The following ERG variants were observed in gnomAD, a reference collection of about 807,000 sequenced individuals.
The protein encoded by ERG is transcriptional regulator ERG.
In ERG, 9 loss-of-function variants were observed where a neutral mutation model predicts 55.3. The observed-to-expected ratio is 0.16, with a 90% CI of 0.10 to 0.28. ERG has a LOEUF of 0.28. ERG is among the 10% of genes least tolerant of loss of function. The probability of loss-of-function intolerance (pLI) is 1.00; values close to 1 mark genes in which losing one functional copy is unlikely to be tolerated. For missense variants in ERG, 434 were observed against 631.6 expected (o/e 0.69, Z 3.35); for synonymous variants, 223 against 237.3 (o/e 0.94, Z 0.55).
In ERG at chr21:38,381,432, C is replaced by A; in HGVS notation, c.*1971G>T. 9.4e-7 allele frequency: 1 copy of A among 1,062,772 alleles called. No individual in the cohort carries two copies. Among genetic ancestry groups the A allele is most frequent in the Non-Finnish European group, 1.1e-6 (1 of 877,704 alleles). The allele number at this position is 1,062,772 out of a possible 1,614,324, so 65.8% of individuals were successfully genotyped here. A position where few individuals can be genotyped will look rare whatever the true frequency, so the allele number is the denominator to read the frequency against. On this transcript the variant is annotated 3_prime_UTR_variant, in exon 10 of 10. Coordinates refer to ENST00000288319, the MANE Select transcript of ERG (RefSeq NM_182918.4). ...AACATTGTCTTCAAGGGATAGCCAG[C>A]AACATCAGGCTCAGGGCTAGTGAAT...
At chr21:38,407,178 A>AT in intron 3 of ERG, among the ~76,000 whole-genome samples, 1 of 152,322 alleles carries the variant, frequency 6.6e-6, no homozygotes. Flanking sequence ...GATGTGCGCA[A>AT]TGATTTATTG....
intron 1 of ERG, among the ~76,000 whole-genome samples, chr21:38,618,418 G>C (rs974674155): frequency 6.6e-6 from 1 of 152,164 alleles, no homozygotes; most frequent in African/African-American, 2.4e-5. Flanking sequence ...ACAAAGTAAC[G>C]TGGAGCAGAT....
intron 1 of ERG, among the ~76,000 whole-genome samples, chr21:38,649,171 G>A (rs957707500): frequency 2.0e-5 from 3 of 152,154 alleles, no homozygotes; most frequent in Non-Finnish European, 1.5e-5. Flanking sequence ...TTTCGCACCC[G>A]CAGATACCCA....
intron 8 of ERG, 93 bp downstream of exon 8, chr21:38,391,566 T>G: frequency 9.4e-7 from 1 of 1,066,772 alleles, no homozygotes; most frequent in South Asian, 1.4e-5. Context: ...CAAACAATCA[T>G]GTTAATTTCC....
At chr21:38,457,206 G>A (rs1018777598) in intron 1 of ERG, among the ~76,000 whole-genome samples, 1 of 152,190 alleles carries the variant, frequency 6.6e-6, no homozygotes, top group Non-Finnish European at 1.5e-5. Flanking sequence ...GGAGGTGGAG[G>A]CAGGCAGACC....
chr21:38,513,548 A>G, intron 2 of ERG, among the ~76,000 whole-genome samples: 1 of 152,214 alleles, frequency 6.6e-6, no homozygotes, highest in Admixed American at 6.5e-5. Context: ...CACGTAATAT[A>G]AAATCCTTCT....
intron 1 of ERG, among the ~76,000 whole-genome samples, chr21:38,454,862 T>C (rs1343943585): frequency 6.6e-6 from 1 of 152,186 alleles, no homozygotes; most frequent in Non-Finnish European, 1.5e-5. Context: ...CTAGCATCTT[T>C]TACTTCAAGA....
intron 2 of ERG, among the ~76,000 whole-genome samples, chr21:38,440,373 C>T (rs905927632): frequency 6.6e-6 from 1 of 152,232 alleles, no homozygotes; most frequent in Non-Finnish European, 1.5e-5. Flanking sequence ...TGAGCCCCTC[C>T]GTGGCAGAAT....
intron 1 of ERG, among the ~76,000 whole-genome samples, chr21:38,455,617 T>C (rs2058980923): frequency 6.6e-6 from 1 of 152,164 alleles, no homozygotes; most frequent in Non-Finnish European, 1.5e-5. Context: ...ACACATGGAT[T>C]CATTGTTTTC....
intron 1 of ERG, among the ~76,000 whole-genome samples, chr21:38,459,187 C>T (rs566751686): frequency 3.2e-4 from 48 of 152,282 alleles, no homozygotes; most frequent in South Asian, 1.2e-3. Context: ...TGCCAGGAAG[C>T]GCAGCGCATT....
chr21:38,645,771 C>T (rs2060452321), intron 1 of ERG, among the ~76,000 whole-genome samples: 1 of 152,154 alleles, frequency 6.6e-6, no homozygotes, highest in East Asian at 1.9e-4. Flanking sequence ...AATGTATGTC[C>T]CTTTTACATT....
upstream of ERG, chr21:38,498,592 C>A: frequency 1.0e-6 from 1 of 983,272 alleles, no homozygotes; most frequent in Admixed American, 4.4e-5. The surrounding 1 kb of genome is among the most constrained non-coding windows in gnomAD (Gnocchi z 4.6). Context: ...GATAAGAGAC[C>A]CTGAAAACAA....
At chr21:38,463,785 C>T (rs1013201529) in intron 1 of ERG, among the ~76,000 whole-genome samples, 17 of 152,196 alleles carry the variant, frequency 1.1e-4, no homozygotes, top group African/African-American at 4.1e-4. Context: ...TGAGGAAATT[C>T]CCATTGGATC....
Position 38,395,951 on chromosome 21 carries a change from G to A in ERG, c.746-3507C>T, listed in dbSNP as rs184916619. 2.2e-3 allele frequency among the ~76,000 whole-genome samples: 340 copies of A among 152,144 alleles called. 2 individuals are homozygous for A. Among genetic ancestry groups the A allele is most frequent in the Admixed American group, 5.6e-3 (85 of 15,278 alleles). ...CACACCGCCACCCCGCTGCCTACCC[G>A]CTTTATTTTTTAAAGGGCAAGAATG... is the stretch of plus-strand genomic sequence containing the variant. On this transcript the variant is annotated intron_variant, in intron 6 of 9. Coordinates refer to ENST00000288319, the MANE Select transcript of ERG (RefSeq NM_182918.4).
chr21:38,558,529 A>T (rs1196299342), intron 2 of ERG, among the ~76,000 whole-genome samples: 1 of 152,238 alleles, frequency 6.6e-6, no homozygotes, highest in Non-Finnish European at 1.5e-5. Context: ...TGCCTCAAAC[A>T]AGAAATAGTT....
At chr21:38,655,280 C>T (rs2060511968) in intron 1 of ERG, among the ~76,000 whole-genome samples, 1 of 152,040 alleles carries the variant, frequency 6.6e-6, no homozygotes, top group African/African-American at 2.4e-5. Context: ...TCCTCTGAAC[C>T]CTGAGACCCC....
the ERG span, chr21:38,367,770 G>A: frequency 2.4e-6 from 1 of 415,262 alleles, no homozygotes; most frequent in Non-Finnish European, 4.8e-6. Flanking sequence ...AACCAACAGA[G>A]GGCATTTGGC....
chr21:38,583,754 G>C (rs2060044691), intron 1 of ERG, among the ~76,000 whole-genome samples: 1 of 152,132 alleles, frequency 6.6e-6, no homozygotes, highest in Non-Finnish European at 1.5e-5. Context: ...AAGATTTAAA[G>C]ACAGACCTGT....
intron 2 of ERG, among the ~76,000 whole-genome samples, chr21:38,562,595 T>C (rs2059899377): frequency 1.3e-5 from 2 of 152,340 alleles, no homozygotes; most frequent in Non-Finnish European, 2.9e-5. Context: ...AAGTACAGAA[T>C]GAGTATCTGT....
Sources: allele counts gnomAD v4.1 joint callset (sites outside exome capture counted in the v4.1 genomes callset), GRCh38; gene constraint gnomAD v4.1.1; non-coding constraint Gnocchi (gnomAD v3.1); transcripts MANE v1.5; gene names NCBI Gene and HGNC (gene_info 2026-07-23, HGNC 2026-07-21).